Variants in TP63 observed in about 807,000 individuals in gnomAD.
TP63 encodes the protein tumor protein 63.
Under a neutral mutation model 82.8 loss-of-function variants are expected in TP63, and 17 were observed. The ratio of observed to expected loss-of-function variants is 0.21; its 90% CI spans 0.14 to 0.31. TP63 has a LOEUF of 0.31. Among genes scored for constraint, TP63 ranks in the 10% least tolerant of loss-of-function variants. TP63 has a pLI of 1.00. For missense variants in TP63, 648 were observed against 895.3 expected, an observed-to-expected ratio of 0.72 and a Z score of 3.52; for synonymous variants, 330 against 321.7, an observed-to-expected ratio of 1.03 and a Z score of -0.28.
chr3:189,636,880 A>G (rs1029312210), intron 1 of TP63, among the ~76,000 whole-genome samples: 1 of 152,162 alleles, frequency 6.6e-6, no homozygotes, highest in Non-Finnish European at 1.5e-5. Context: ...AGGCTTACTG[A>G]GCACTTTTTG....
chr3:189,616,483 T>C, the TP63 span, among the ~76,000 whole-genome samples: 1 of 152,234 alleles, frequency 6.6e-6, no homozygotes, highest in Non-Finnish European at 1.5e-5. Flanking sequence ...ATACAGCTGG[T>C]TGTCTTTGGC....
At chr3:189,746,070 C>A (rs1721351662) in intron 3 of TP63, among the ~76,000 whole-genome samples, 1 of 151,944 alleles carries the variant, frequency 6.6e-6, no homozygotes, top group African/African-American at 2.4e-5. Context: ...TCGGAACTCT[C>A]CAAATAGACA....
chr3:189,755,119 G>A (rs6785424), intron 3 of TP63, among the ~76,000 whole-genome samples: 152,253 of 152,256 alleles, frequency 1, 76,125 homozygotes, highest in Middle Eastern at 1. Flanking sequence ...GATAAACAGT[G>A]TTTCTCATTG....
At chr3:189,773,996 C>G (rs1172808208) in intron 3 of TP63, among the ~76,000 whole-genome samples, 1 of 144,400 alleles carries the variant, frequency 6.9e-6, no homozygotes, top group Non-Finnish European at 1.5e-5. Flanking sequence ...GATCTTGGCT[C>G]ACTGCAAGCT....
chr3:189,775,220 C>CAA (rs56288032), intron 3 of TP63, among the ~76,000 whole-genome samples: 45 of 92,868 alleles, frequency 4.8e-4, no homozygotes, highest in African/African-American at 9.1e-4. Context: ...AACTCTGTCT[C>CAA]AAAAAAAAAA....
intron 3 of TP63, among the ~76,000 whole-genome samples, chr3:189,748,508 C>CAAAAAAAAAAAAAAAA (rs58926854): frequency 7.4e-3 from 231 of 31,238 alleles, no homozygotes; most frequent in East Asian, 0.015. Context: ...AGGAAAACTA[C>CAAAAAAAAAAAAAAAA]AAAAAAAAAA....
chr3:189,844,426 C>G (rs1017308798), intron 4 of TP63: 3 of 324,656 alleles, frequency 9.2e-6, no homozygotes, highest in South Asian at 2.3e-5. Context: ...GGTGGGATTA[C>G]AGACATGTGA....
Position 189,684,632 on chromosome 3 carries a change from C to CTT in TP63, c.62+53070_62+53071dup, listed in dbSNP as rs11379017. Among the ~76,000 whole-genome samples, 220 of 134,676 alleles carry CTT rather than the reference C, an allele frequency of 1.6e-3. 3 individuals are homozygous for CTT. The highest frequency in any genetic ancestry group is 5.1e-3 in the African/African-American group (188 of 36,676). The allele number at this position is 134,676 out of a possible 152,430, so 88.4% of individuals were successfully genotyped here. A position where few individuals can be genotyped will look rare whatever the true frequency, so the allele number is the denominator to read the frequency against. ...TGCATTTCTTATGTTTTCTTTCTTT[C>CTT]TTTTTTTTTTTTTTTTGAGATGAAT... On this transcript the variant is annotated intron_variant, in intron 1 of 13. Coordinates refer to ENST00000264731, the MANE Select transcript of TP63 (RefSeq NM_003722.5).
At chr3:189,598,842 CAT>C in the TP63 span, among the ~76,000 whole-genome samples, 39 of 152,298 alleles carry the variant, frequency 2.6e-4, no homozygotes, top group African/African-American at 8.9e-4. Flanking sequence ...AAATCAGAAT[CAT>C]AGAGTTTCTT....
At chr3:189,867,564 G>A (rs1317425974) in intron 6 of TP63, among the ~76,000 whole-genome samples, 1 of 152,080 alleles carries the variant, frequency 6.6e-6, no homozygotes, top group Non-Finnish European at 1.5e-5. Flanking sequence ...TACATGATGT[G>A]GATCAGCTTA....
chr3:189,608,144 A>G, the TP63 span, among the ~76,000 whole-genome samples: 2 of 152,194 alleles, frequency 1.3e-5, no homozygotes, highest in South Asian at 2.1e-4. Context: ...ATTAAAACAG[A>G]TAAAAAAAGT....
intron 13 of TP63, among the ~76,000 whole-genome samples, chr3:189,892,733 A>G (rs1397151762): frequency 1.3e-5 from 2 of 152,186 alleles, no homozygotes; most frequent in African/African-American, 4.8e-5. Context: ...CGGAGTTTGC[A>G]GTGAGCCGAG....
intron 5 of TP63, among the ~76,000 whole-genome samples, 177 bp from the exon 6 acceptor site, chr3:189,866,505 A>C (rs1270146225): frequency 6.6e-6 from 1 of 152,130 alleles, no homozygotes. Flanking sequence ...AAAGGTTATG[A>C]CACCTTCATG....
intron 4 of TP63, 81 bp from the exon 5 acceptor site, chr3:189,864,151 T>A (rs1347450594): frequency 1.3e-6 from 2 of 1,587,516 alleles, no homozygotes; most frequent in African/African-American, 2.7e-5. Context: ...TGGACAGATT[T>A]TCATTGTTCT....
intron 1 of TP63, among the ~76,000 whole-genome samples, chr3:189,712,990 C>A (rs1718702725): frequency 2.0e-5 from 3 of 152,014 alleles, no homozygotes; most frequent in Non-Finnish European, 4.4e-5. Flanking sequence ...CTGGGAAATT[C>A]CACTATTGCC....
At chr3:189,734,250 C>A (rs564828609) in intron 1 of TP63, among the ~76,000 whole-genome samples, 1 of 149,258 alleles carries the variant, frequency 6.7e-6, no homozygotes, top group South Asian at 2.2e-4. Context: ...TGGCACACTG[C>A]CACCTCTGCC....
At chr3:189,837,333 A>G (rs1045881081) in intron 4 of TP63, among the ~76,000 whole-genome samples, 5 of 150,912 alleles carry the variant, frequency 3.3e-5, no homozygotes, top group Non-Finnish European at 5.9e-5. Context: ...AAGAGTTGTT[A>G]TCATCCTGGC....
At chr3:189,657,690 G>C (rs1363695801) in intron 1 of TP63, among the ~76,000 whole-genome samples, 1 of 152,108 alleles carries the variant, frequency 6.6e-6, no homozygotes, top group Non-Finnish European at 1.5e-5. Flanking sequence ...GAAAATGAGA[G>C]TGATTCATGT....
At chr3:189,852,838 G>A (rs549688972) in intron 4 of TP63, among the ~76,000 whole-genome samples, 5 of 152,012 alleles carry the variant, frequency 3.3e-5, no homozygotes, top group South Asian at 2.1e-4. Flanking sequence ...ACTTCTGCTC[G>A]GCTACTCCTC....
Sources: gnomAD v4.1 joint callset for allele counts (sites outside exome capture counted in the v4.1 genomes callset) on GRCh38, gnomAD v4.1.1 for gene constraint, MANE v1.5 for transcripts, NCBI Gene and HGNC (gene_info 2026-07-23, HGNC 2026-07-21) for gene names.